Variants in LHCGR observed in about 807,000 individuals in gnomAD.
LHCGR encodes luteinizing hormone/choriogonadotropin receptor.
Under a neutral mutation model 60.7 loss-of-function variants are expected in LHCGR, and 55 were observed. The ratio of observed to expected loss-of-function variants is 0.91; its 90% confidence interval spans 0.73 to 1.13. LHCGR has a LOEUF of 1.13. LHCGR is among the 50% of genes most tolerant of loss of function. The probability of loss-of-function intolerance (pLI) is 0.00; values close to 1 mark genes in which losing one functional copy is unlikely to be tolerated. For synonymous variants in LHCGR, 337 were observed against 316.5 expected, an observed-to-expected ratio of 1.06 and a Z score of -0.69; for missense variants, 862 against 836.0, an observed-to-expected ratio of 1.03 and a Z score of -0.38.
intron 8 of LHCGR, among the ~76,000 whole-genome samples, chr2:48,707,198 T>C (rs1667728647): frequency 6.6e-6 from 1 of 152,240 alleles, no homozygotes; most frequent in African/African-American, 2.4e-5. Flanking sequence ...CTCCGGACTC[T>C]GTTTGCCTGG....
At chr2:48,727,108 G>A (rs1254500995) in intron 3 of LHCGR, among the ~76,000 whole-genome samples, 1 of 152,066 alleles carries the variant, frequency 6.6e-6, no homozygotes, top group Non-Finnish European at 1.5e-5. Flanking sequence ...CCTTATGTGG[G>A]TGGGATGGAA....
intron 7 of LHCGR, among the ~76,000 whole-genome samples, chr2:48,711,407 T>C (rs1257271622): frequency 3.9e-5 from 6 of 152,224 alleles, no homozygotes; most frequent in African/African-American, 1.4e-4. Flanking sequence ...CGGTGCTTAG[T>C]ATATCAGTGG....
intron 3 of LHCGR, among the ~76,000 whole-genome samples, chr2:48,726,008 T>C (rs1668703233): frequency 6.6e-6 from 1 of 152,102 alleles, no homozygotes; most frequent in African/African-American, 2.4e-5. Flanking sequence ...AGTCTGTCTC[T>C]GCACCCTCCC....
In LHCGR at chr2:48,720,105, C is replaced by A. The variant is rs888129537; in HGVS notation, c.536+3351G>T. 31 of 152,170 alleles carry A rather than the reference C, an allele frequency of 2.0e-4. 1 individual carries two copies. The highest frequency in any genetic ancestry group is 7.0e-4 in the African/African-American group (29 of 41,442). 9.4% of individuals were successfully genotyped at this position (152,170 alleles called of 1,614,324 possible). A position where few individuals can be genotyped will look rare whatever the true frequency, so the allele number is the denominator to read the frequency against. ...TTAACTTCAGAGTGGGGAAATTACA[C>A]CCTACTGGCATGCACTCTTTTTCTT... On this transcript the variant is annotated intron_variant, in intron 6 of 10. Coordinates refer to ENST00000294954, the MANE Select transcript of LHCGR (RefSeq NM_000233.4).
At chr2:48,749,049 A>G (rs776050189) in intron 1 of LHCGR, among the ~76,000 whole-genome samples, 6 of 152,318 alleles carry the variant, frequency 3.9e-5, no homozygotes, top group Non-Finnish European at 7.4e-5. Context: ...GCGTAACCTC[A>G]TTACATCAGA....
chr2:48,714,946 G>A (rs1668175746), intron 6 of LHCGR, among the ~76,000 whole-genome samples: 1 of 152,112 alleles, frequency 6.6e-6, no homozygotes, highest in South Asian at 2.1e-4. Flanking sequence ...GGCATAAATG[G>A]GACTAGGATA....
chr2:48,693,434 A>C (rs771384057), intron 10 of LHCGR, among the ~76,000 whole-genome samples: 9 of 152,242 alleles, frequency 5.9e-5, no homozygotes, highest in Admixed American at 1.3e-4. Context: ...CCCAAAGTCC[A>C]GGGTCATTCC....
chr2:48,708,859 A>G, intron 8 of LHCGR, 89 bp downstream of exon 8: 1 of 992,908 alleles, frequency 1.0e-6, no homozygotes. Context: ...TGTCTCACAT[A>G]TCAGCTTGGG....
intron 4 of LHCGR, among the ~76,000 whole-genome samples, chr2:48,724,450 C>T (rs753495311): frequency 7.9e-5 from 12 of 152,126 alleles, no homozygotes; most frequent in Admixed American, 4.6e-4. Context: ...CTGTCACCCT[C>T]GTGACAATGA....
intron 1 of LHCGR, among the ~76,000 whole-genome samples, chr2:48,754,802 C>T (rs1206771579): frequency 6.6e-6 from 1 of 152,118 alleles, no homozygotes; most frequent in East Asian, 1.9e-4. Flanking sequence ...AAAGGCTCCC[C>T]TTCTCCTCTT....
intron 6 of LHCGR, among the ~76,000 whole-genome samples, chr2:48,718,590 A>G (rs1355777749): frequency 2.0e-5 from 3 of 151,516 alleles, no homozygotes; most frequent in Non-Finnish European, 4.4e-5. Context: ...TTTAGAAAAT[A>G]TGGTGGTATA....
intron 3 of LHCGR, among the ~76,000 whole-genome samples, chr2:48,728,752 T>C (rs1668856370): frequency 6.6e-6 from 1 of 152,132 alleles, no homozygotes; most frequent in Non-Finnish European, 1.5e-5. Context: ...CTGTAGGTAT[T>C]CAAGAAACAT....
chr2:48,711,009 C>T (rs1191334540), intron 7 of LHCGR, among the ~76,000 whole-genome samples: 3 of 152,188 alleles, frequency 2.0e-5, no homozygotes, highest in African/African-American at 7.2e-5. Context: ...CTCCCCCTTG[C>T]TAAAGACCCT....
In LHCGR at chr2:48,698,754, C is replaced by G. The variant is rs768846378; in HGVS notation, c.727G>C (p.Glu243Gln). 3.1e-6 allele frequency: 5 copies of G among 1,614,124 alleles called. No individual in the cohort carries two copies. The highest frequency in any genetic ancestry group is 4.2e-6 in the Non-Finnish European group (5 of 1,179,986). ...KLQALPSYGL[E>Q]SIQRLIATSS... The stretch of plus-strand genomic sequence containing the variant: ...GTGGCAATTAGCCTCTGAATGGACT[C>G]TAGGCCATAGCTCGGCAGGGCCTGC... The change falls in exon 9 of 11, where the codon GAG becomes CAG. Residue 243 changes from glutamate (E) to glutamine (Q), a missense_variant. Physicochemically the swap from Glu to Gln is conservative, Grantham distance 29 (BLOSUM62 2). Coordinates refer to ENST00000294954, the MANE Select transcript of LHCGR (RefSeq NM_000233.4).
chr2:48,702,380 A>G (rs1667455447), intron 8 of LHCGR, among the ~76,000 whole-genome samples: 1 of 151,812 alleles, frequency 6.6e-6, no homozygotes, highest in African/African-American at 2.4e-5. Flanking sequence ...TGTCATTTAC[A>G]TTAGGTATTT....
chr2:48,736,596 G>A (rs1419187073), intron 1 of LHCGR, among the ~76,000 whole-genome samples: 1 of 152,184 alleles, frequency 6.6e-6, no homozygotes, highest in Non-Finnish European at 1.5e-5. Flanking sequence ...GACACAGATG[G>A]CCTTGGAAGG....
At chr2:48,716,385 A>G (rs1382422394) in intron 6 of LHCGR, among the ~76,000 whole-genome samples, 2 of 152,218 alleles carry the variant, frequency 1.3e-5, no homozygotes, top group African/African-American at 4.8e-5. Flanking sequence ...TATTTACTGT[A>G]ATACTCCCAG....
intron 6 of LHCGR, chr2:48,721,548 A>G (rs762199481): frequency 1.4e-5 from 5 of 350,064 alleles, no homozygotes; most frequent in South Asian, 9.5e-5. Context: ...GCTTTGTAAC[A>G]TGACAATTAT....
At chr2:48,693,815 C>T (rs899184402) in intron 10 of LHCGR, among the ~76,000 whole-genome samples, 1 of 152,160 alleles carries the variant, frequency 6.6e-6, no homozygotes, top group African/African-American at 2.4e-5. Context: ...TAGCCTAAGT[C>T]TCCTTTAAGG....
Sources: allele counts gnomAD v4.1 joint callset (sites outside exome capture counted in the v4.1 genomes callset), GRCh38; gene constraint gnomAD v4.1.1; transcripts MANE v1.5; gene names NCBI Gene and HGNC (gene_info 2026-07-23, HGNC 2026-07-21).